Variants in MYH14 observed in about 807,000 individuals in gnomAD.
MYH14 encodes myosin heavy chain 14.
Under a neutral mutation model 255.5 loss-of-function variants are expected in MYH14, and 123 were observed. That is an observed-to-expected ratio of 0.48 (90% confidence interval 0.42 to 0.56). The LOEUF is 0.56. Ranked by LOEUF, MYH14 falls within the 20% of genes least tolerant of loss-of-function variation. The pLI is 0.00. For synonymous variants in MYH14, 1,095 were observed against 1,161.2 expected (o/e 0.94, Z 1.16); for missense variants, 2,423 against 2,802.3 (o/e 0.86, Z 3.06).
chr19:50,299,843 G>T (rs2036419187), intron 39 of MYH14, among the ~76,000 whole-genome samples: 1 of 151,924 alleles, frequency 6.6e-6, no homozygotes, highest in Non-Finnish European at 1.5e-5. Context: ...TACTCAGGAG[G>T]CTGAGGCAAG....
intron 21 of MYH14, among the ~76,000 whole-genome samples, 180 bp from the exon 22 acceptor site, chr19:50,263,132 G>A (rs2034948932): frequency 6.6e-6 from 1 of 152,142 alleles, no homozygotes; most frequent in Non-Finnish European, 1.5e-5. Context: ...CTGGGAGGTG[G>A]AGGTTGCAGT....
In MYH14 at chr19:50,248,136, G is replaced by A. The variant is rs141194084; in HGVS notation, c.1330-851G>A. On this transcript the variant is annotated intron_variant, in intron 12 of 42. Coordinates refer to ENST00000642316, the MANE Select transcript of MYH14 (RefSeq NM_001145809.2). ...CAGTGAGGCTGAAGAGCAAGGGAGA[G>A]AGGGTGGGTGAATCCACAGTCAGAA... Among the ~76,000 whole-genome samples the A allele has an allele frequency of 1.2e-4, 18 of 152,134 alleles. No homozygotes were observed. The East Asian group carries it at 3.3e-3, about 28-fold the overall frequency.
chr19:50,265,647 C>G (rs779862077), intron 22 of MYH14, among the ~76,000 whole-genome samples: 1 of 152,016 alleles, frequency 6.6e-6, no homozygotes, highest in Non-Finnish European at 1.5e-5. Context: ...ATGATGGAAC[C>G]CTGTCACTAC....
intron 27 of MYH14, among the ~76,000 whole-genome samples, chr19:50,273,601 G>GGGGTGT (rs1555772398): frequency 1.5e-4 from 21 of 137,578 alleles, no homozygotes; most frequent in African/African-American, 4.6e-4. Flanking sequence ...GAACATGGGG[G>GGGGTGT]GTGTGTGTGT....
chr19:50,309,312 G>A lies in MYH14; in HGVS notation c.5960+135G>A, dbSNP rs948880153. On this transcript the variant is annotated intron_variant, in intron 42 of 42. Coordinates refer to ENST00000642316, the MANE Select transcript of MYH14 (RefSeq NM_001145809.2). ...GGGGGTGTGGGGCTGTGGGAGCAGC[G>A]GCTGTGTTGCGGGAGAGCCAAATCC... 19 of 906,524 alleles carry A rather than the reference G, an allele frequency of 2.1e-5. 1 individual carries two copies. The highest frequency in any genetic ancestry group is 1.6e-5 in the African/African-American group (1 of 60,960). 56.2% of individuals were successfully genotyped at this position (906,524 alleles called of 1,614,324 possible).
chr19:50,277,649 C>T (rs2035558277), intron 29 of MYH14, among the ~76,000 whole-genome samples: 2 of 151,972 alleles, frequency 1.3e-5, no homozygotes, highest in South Asian at 4.1e-4. Context: ...GACGTGGTGG[C>T]TCATGGCTGT....
rs139634738 is a variant in MYH14, at chr19:50,249,517, C to A, written c.1483-133C>A. The A allele has an allele frequency of 4.1e-3, 3,715 of 911,302 alleles. 64 individuals are homozygous for A. The highest frequency in any genetic ancestry group is 0.041 in the African/African-American group (2,340 of 57,538). 56.5% of individuals were successfully genotyped at this position (911,302 alleles called of 1,614,324 possible). A position where few individuals can be genotyped will look rare whatever the true frequency, so the allele number is the denominator to read the frequency against. On this transcript the variant is annotated intron_variant, in intron 13 of 42. Coordinates refer to ENST00000642316, the MANE Select transcript of MYH14 (RefSeq NM_001145809.2). ...GGTCTCTGTCCCCCTCTCTCTGGGT[C>A]TCTGTCCCCCTCTCTCTGGGTCTCT...
chr19:50,281,478 GACCCCTTTCCCTCTTC>G, intron 32 of MYH14, 100 bp from the exon 33 acceptor site: 1 of 1,431,162 alleles, frequency 7.0e-7, no homozygotes, highest in South Asian at 1.5e-5. Context: ...CCAGCAGAAT[GACCCCTTTCCCTCTTC>G]AGGCCTCAGT....
At chr19:50,277,936 G>T in intron 29 of MYH14, 147 bp from the exon 30 acceptor site, 2 of 501,996 alleles carry the variant, frequency 4.0e-6, no homozygotes, top group East Asian at 3.5e-5. Flanking sequence ...AAAAAAAATT[G>T]GGAGTGAGGG....
Position 50,246,743 on chromosome 19 carries a change from G to C in MYH14, c.1211-261G>C, listed in dbSNP as rs73932444. 0.011 allele frequency among the ~76,000 whole-genome samples: 1,607 copies of C among 152,266 alleles called. 27 individuals are homozygous for C. Among genetic ancestry groups the C allele is most frequent in the African/African-American group, 0.035 (1,440 of 41,542 alleles). ...CTGAGGTTGTTTCCTAGCTTTCTCCGATTATAAACAACACTGCGCTGAACA... is the reference window on the plus strand; with the variant it reads ...CTGAGGTTGTTTCCTAGCTTTCTCCCATTATAAACAACACTGCGCTGAACA... On this transcript the variant is annotated intron_variant, in intron 11 of 42. Transcript: ENST00000642316.
rs1031566547 is a variant in MYH14, at chr19:50,257,478, G to C, written c.2224G>C (p.Glu742Gln). The C allele has an allele frequency of 6.2e-7, 1 of 1,601,378 alleles. No individual in the cohort carries two copies. Among genetic ancestry groups the C allele is most frequent in the South Asian group, 1.1e-5 (1 of 88,740 alleles). ...TGTCCGCTGCATTGTCCCCAACCAC[G>C]AGAAGAGGGTGAGTGACTCAGCCTG... ...SFVRCIVPNH[E>Q]KRAGKLEPRL... The change falls in exon 18 of 43, where the codon GAG becomes CAG. Residue 742 changes from glutamate to glutamine, a missense_variant. By Grantham distance (29) the Glu-to-Gln change is conservative. Transcript: ENST00000642316.
chr19:50,295,302 G>A (rs1191522420), intron 39 of MYH14, among the ~76,000 whole-genome samples: 1 of 151,694 alleles, frequency 6.6e-6, no homozygotes, highest in Non-Finnish European at 1.5e-5. Flanking sequence ...TCCAGCCTGG[G>A]CGACAGAGCA....
intron 26 of MYH14, 110 bp from the exon 27 acceptor site, chr19:50,272,450 G>A: frequency 8.8e-7 from 1 of 1,136,860 alleles, no homozygotes; most frequent in Non-Finnish European, 1.3e-6. Flanking sequence ...AGGCGTTAAG[G>A]GAGGTGCTGA....
chr19:50,236,227 G>T (rs953613062), intron 10 of MYH14, among the ~76,000 whole-genome samples: 9 of 152,000 alleles, frequency 5.9e-5, no homozygotes, highest in Admixed American at 4.6e-4. Context: ...CAGCTATTTG[G>T]GGGGCTGAGG....
intron 2 of MYH14, 113 bp from the exon 3 acceptor site, chr19:50,217,502 T>C: frequency 5.2e-6 from 6 of 1,147,502 alleles, no homozygotes; most frequent in Non-Finnish European, 7.9e-6. Context: ...GGTGTAGACA[T>C]ACCATGTGCA....
In MYH14 at chr19:50,280,283, G is replaced by A. The variant is rs765419578; in HGVS notation, c.4190G>A (p.Arg1397Gln). 42 of 1,551,380 alleles carry A rather than the reference G, an allele frequency of 2.7e-5. No individual in the cohort carries two copies. Among genetic ancestry groups the A allele is most frequent in the South Asian group, 1.5e-4 (13 of 84,054 alleles). ...RAKLALGSRV[R>Q]AMEAEAAGLR... ...AAATTGGCCTTGGGGTCCCGGGTGC[G>A]AGCCATGGAGGCTGAGGCAGCCGGG... The change falls in exon 32 of 43, where the codon CGA becomes CAA. Residue 1397 changes from arginine to glutamine, a missense_variant. Around this residue, in one of 3 missense-constraint regions of MYH14, gnomAD observed 1,513 missense variants for 1,674.8 expected, o/e 0.90. Transcript: ENST00000642316. The surrounding 1 kb of genome is among the most constrained non-coding windows in gnomAD (Gnocchi z 4.8).
chr19:50,227,336 C>T (rs118044526), intron 8 of MYH14, among the ~76,000 whole-genome samples: 3,575 of 152,214 alleles, frequency 0.023, 58 homozygotes, highest in Middle Eastern at 0.034. Flanking sequence ...GAACCCTCTC[C>T]AGCAGAGGCA....
rs972816375 is a variant in MYH14 at position 50,252,095 on chromosome 19, G to T, written c.1831-544G>T. Among the ~76,000 whole-genome samples, 1 of 152,198 alleles carries T rather than the reference G, an allele frequency of 6.6e-6. No homozygotes were observed. The highest frequency in any genetic ancestry group is 1.9e-4 in the East Asian group (1 of 5,194). On this transcript the variant is annotated intron_variant, in intron 15 of 42. Transcript: ENST00000642316. The surrounding 1 kb of genome is among the most constrained non-coding windows in gnomAD (Gnocchi z 4.2). ...TGTCTAGCCCTCAGTTTCTTCCCCAGACATACTCCAGAACTCCCCCTGTAC... is the reference window on the plus strand; with the variant it reads ...TGTCTAGCCCTCAGTTTCTTCCCCATACATACTCCAGAACTCCCCCTGTAC...
intron 10 of MYH14, among the ~76,000 whole-genome samples, chr19:50,241,809 A>G (rs970383779): frequency 6.6e-6 from 1 of 151,850 alleles, no homozygotes; most frequent in African/African-American, 2.4e-5. Flanking sequence ...TGGCCACCTA[A>G]TTTTTTGTAT....
Sources: allele counts gnomAD v4.1 joint callset (sites outside exome capture counted in the v4.1 genomes callset), GRCh38; gene constraint gnomAD v4.1.1; regional missense constraint gnomAD v4.1.1; non-coding constraint Gnocchi (gnomAD v3.1); transcripts MANE v1.5; gene names NCBI Gene and HGNC (gene_info 2026-07-23, HGNC 2026-07-21).